Variants in TNR observed in about 807,000 individuals in gnomAD.
TNR encodes the protein tenascin-R.
Under a neutral mutation model 150.4 loss-of-function variants are expected in TNR, and 45 were observed. That is an observed-to-expected ratio of 0.30 (90% confidence interval 0.24 to 0.38). The LOEUF (loss-of-function observed/expected upper bound fraction) is 0.38, where lower values mean the gene tolerates loss of function less well. TNR is among the 10% of genes least tolerant of loss of function. The pLI is 1.00. For missense variants in TNR, 1,544 were observed against 1,759.1 expected, an observed-to-expected ratio of 0.88 and a Z score of 2.19; for synonymous variants, 687 against 678.4, an observed-to-expected ratio of 1.01 and a Z score of -0.20.
intron 2 of TNR, among the ~76,000 whole-genome samples, chr1:175,445,712 T>C (rs1656015805): frequency 6.6e-6 from 1 of 152,226 alleles, no homozygotes; most frequent in Non-Finnish European, 1.5e-5. Flanking sequence ...GGAGAACCAA[T>C]ATTTCCCAAA....
intron 2 of TNR, among the ~76,000 whole-genome samples, chr1:175,427,854 C>A (rs1378006768): frequency 9.0e-6 from 1 of 111,470 alleles, no homozygotes; most frequent in Non-Finnish European, 1.9e-5. Context: ...CTCTTTTTTC[C>A]TTCCTTCCTT....
intron 2 of TNR, among the ~76,000 whole-genome samples, chr1:175,443,393 C>T (rs1655882588): frequency 6.6e-6 from 1 of 152,182 alleles, no homozygotes; most frequent in Non-Finnish European, 1.5e-5. Flanking sequence ...CTAGGATGCC[C>T]TACCTCTACT....
At chr1:175,647,430 C>A (rs544664417) in intron 1 of TNR, among the ~76,000 whole-genome samples, 2 of 122,768 alleles carry the variant, frequency 1.6e-5, no homozygotes, top group African/African-American at 4.0e-5. Flanking sequence ...TGTTACTATT[C>A]GGTGCAAAAA....
chr1:175,645,560 A>C (rs2101884560), intron 1 of TNR, among the ~76,000 whole-genome samples: 1 of 152,364 alleles, frequency 6.6e-6, no homozygotes, highest in East Asian at 1.9e-4. Flanking sequence ...CTTCCACAAC[A>C]GTTTTTAAAG....
Position 175,367,177 on chromosome 1 carries a change from G to A in TNR, c.2053+31C>T, listed in dbSNP as rs373264846. ...ACTCCTTAGGCTTATAGGCTAACCTGGTCTTCTTCCTCAGCAGTCCTCCTA... is the reference window on the plus strand; with the variant it reads ...ACTCCTTAGGCTTATAGGCTAACCTAGTCTTCTTCCTCAGCAGTCCTCCTA... On this transcript the variant is annotated intron_variant, in intron 10 of 22. Transcript: ENST00000367674. 2.5e-6 allele frequency: 4 copies of A among 1,605,612 alleles called. No individual in the cohort carries two copies. The African/African-American group carries it at 5.4e-5, about 21-fold the overall frequency.
intron 1 of TNR, among the ~76,000 whole-genome samples, chr1:175,580,622 G>C (rs988908407): frequency 1.3e-5 from 2 of 152,164 alleles, no homozygotes; most frequent in Non-Finnish European, 2.9e-5. Context: ...AAGCTTGTGG[G>C]ATGATTTTTA....
intron 2 of TNR, among the ~76,000 whole-genome samples, chr1:175,494,434 G>A (rs1450043309): frequency 3.9e-5 from 6 of 152,212 alleles, no homozygotes; most frequent in African/African-American, 1.4e-4. Context: ...GTTGGCATGG[G>A]AGCAAAAGCA....
chr1:175,740,703 C>A (rs12034673), intron 1 of TNR, among the ~76,000 whole-genome samples: 2 of 152,032 alleles, frequency 1.3e-5, no homozygotes, highest in Admixed American at 1.3e-4. Context: ...GAGTTTGTAT[C>A]CAGTTTCCCA....
intron 1 of TNR, among the ~76,000 whole-genome samples, chr1:175,561,325 T>C (rs1000260588): frequency 4.6e-5 from 7 of 152,188 alleles, no homozygotes; most frequent in Non-Finnish European, 8.8e-5. Flanking sequence ...CTATTGCTTG[T>C]CTGCTTCTGA....
At chr1:175,516,680 T>C (rs1232860631) in intron 2 of TNR, among the ~76,000 whole-genome samples, 1 of 152,206 alleles carries the variant, frequency 6.6e-6, no homozygotes, top group Non-Finnish European at 1.5e-5. Context: ...CCAAAGTGAC[T>C]ATGGCAGTAT....
intron 1 of TNR, among the ~76,000 whole-genome samples, chr1:175,695,964 G>A (rs1666502510): frequency 6.7e-6 from 1 of 148,378 alleles, no homozygotes; most frequent in South Asian, 2.2e-4. Flanking sequence ...ATGGATGCAT[G>A]GATGCATGGA....
intron 2 of TNR, among the ~76,000 whole-genome samples, chr1:175,506,919 CTGGTGTGCTT>C: frequency 6.6e-6 from 1 of 152,318 alleles, no homozygotes. Flanking sequence ...AGATAAAAGA[CTGGTGTGCTT>C]ATGTGAGGTG....
chr1:175,604,169 A>G (rs1295267519), intron 1 of TNR, among the ~76,000 whole-genome samples: 1 of 152,052 alleles, frequency 6.6e-6, no homozygotes, highest in Non-Finnish European at 1.5e-5. Flanking sequence ...CAGCATCCAG[A>G]GGAGGAGATG....
Position 175,422,197 on chromosome 1 carries a change from C to A in TNR, c.-63-15420G>T, listed in dbSNP as rs78279636. On this transcript the variant is annotated intron_variant, in intron 2 of 22. Coordinates refer to ENST00000367674, the MANE Select transcript of TNR (RefSeq NM_003285.3). The stretch of plus-strand genomic sequence containing the variant: ...GAAGTCTTCTTATAAGAATTTGTGA[C>A]AATCATCTCCCTCTCTGAGCTCCAG... Among the ~76,000 whole-genome samples the A allele has an allele frequency of 6.3e-3, 958 of 152,310 alleles. 9 individuals carry two copies. The highest frequency in any genetic ancestry group is 0.022 in the African/African-American group (911 of 41,568).
At position 175,495,045 on chromosome 1, in the gene TNR, G is replaced by GCATT. The variant is rs377016114; in HGVS notation, c.-64+33220_-64+33223dup. On this transcript the variant is annotated intron_variant, in intron 2 of 22. Coordinates refer to ENST00000367674, the MANE Select transcript of TNR (RefSeq NM_003285.3). The stretch of plus-strand genomic sequence containing the variant: ...AGCGTTCACTTCTGCAGGCACGGCT[G>GCATT]CATTCATTCATTCATTCATTCATTG... Among the ~76,000 whole-genome samples, 15 of 152,220 alleles carry GCATT rather than the reference G, an allele frequency of 9.9e-5. No individual in the cohort carries two copies. In the East Asian group the frequency reaches 1.2e-3, roughly 12 times the overall value.
At chr1:175,382,084 G>C (rs559858189) in intron 8 of TNR, among the ~76,000 whole-genome samples, 3 of 152,146 alleles carry the variant, frequency 2.0e-5, no homozygotes, top group African/African-American at 7.2e-5. Context: ...ACATGGCCAC[G>C]CTTCTGTACC....
intron 1 of TNR, among the ~76,000 whole-genome samples, chr1:175,603,632 A>G (rs781031141): frequency 6.6e-5 from 10 of 152,200 alleles, no homozygotes; most frequent in Admixed American, 1.3e-4. Context: ...CACATACCCC[A>G]CGTCTTTGGG....
At chr1:175,617,721 C>G (rs1417469117) in intron 1 of TNR, among the ~76,000 whole-genome samples, 1 of 152,206 alleles carries the variant, frequency 6.6e-6, no homozygotes, top group Non-Finnish European at 1.5e-5. Flanking sequence ...TTGATAATAA[C>G]AGTTTCACTT....
In TNR at chr1:175,321,245, G is replaced by C. The variant is rs1649027101; in HGVS notation, c.*2112C>G. ...TGGTGCCTAGGTTTTTCAGGGTTATGCCTGTCACATCCACACTGCCGCAGT... is the reference window on the plus strand; with the variant it reads ...TGGTGCCTAGGTTTTTCAGGGTTATCCCTGTCACATCCACACTGCCGCAGT... On this transcript the variant is annotated 3_prime_UTR_variant, in exon 23 of 23. Coordinates refer to ENST00000367674, the MANE Select transcript of TNR (RefSeq NM_003285.3). 1 of 152,220 alleles carries C rather than the reference G, an allele frequency of 6.6e-6. No homozygotes were observed. Among genetic ancestry groups the C allele is most frequent in the African/African-American group, 2.4e-5 (1 of 41,452 alleles). The allele number at this position is 152,220 out of a possible 1,614,324, so 9.4% of individuals were successfully genotyped here. A position where few individuals can be genotyped will look rare whatever the true frequency, so the allele number is the denominator to read the frequency against.
Sources: gnomAD v4.1 joint callset for allele counts (sites outside exome capture counted in the v4.1 genomes callset) on GRCh38, gnomAD v4.1.1 for gene constraint, MANE v1.5 for transcripts, NCBI Gene and HGNC (gene_info 2026-07-23, HGNC 2026-07-21) for gene names.